Variants in CNTN5 observed in about 807,000 individuals in gnomAD.
The protein encoded by CNTN5 is contactin-5.
A neutral mutation model predicts 129.1 loss-of-function variants in CNTN5; 77 were observed. The observed-to-expected ratio is 0.60, with a 90% CI of 0.50 to 0.72. CNTN5 has a LOEUF of 0.72. CNTN5 is among the 30% of genes least tolerant of loss of function. The probability of loss-of-function intolerance (pLI) is 0.00; values close to 1 mark genes in which losing one functional copy is unlikely to be tolerated. For synonymous variants in CNTN5, 509 were observed against 465.6 expected, an observed-to-expected ratio of 1.09 and a Z score of -1.20; for missense variants, 1,478 against 1,328.8, an observed-to-expected ratio of 1.11 and a Z score of -1.75.
At chr11:99,073,374 G>GTTT (rs750531770) in intron 1 of CNTN5, among the ~76,000 whole-genome samples, 37 of 61,150 alleles carry the variant, frequency 6.1e-4, no homozygotes, top group African/African-American at 2.0e-3. Flanking sequence ...TTATGGTTTG[G>GTTT]TTTTTTTTTT....
intron 23 of CNTN5, 88 bp downstream of exon 23, chr11:100,341,293 C>A: frequency 1.1e-6 from 1 of 890,230 alleles, no homozygotes; most frequent in Non-Finnish European, 1.8e-6. Context: ...TAAAAAGACC[C>A]ATTAACCAAC....
chr11:100,215,405 T>C (rs1048495576), intron 15 of CNTN5, among the ~76,000 whole-genome samples: 2 of 152,186 alleles, frequency 1.3e-5, no homozygotes, highest in East Asian at 1.9e-4. Context: ...GTGGACATTC[T>C]TAATCTACCA....
intron 3 of CNTN5, among the ~76,000 whole-genome samples, chr11:99,577,806 A>T (rs1591305189): frequency 7.7e-6 from 1 of 129,496 alleles, no homozygotes; most frequent in Non-Finnish European, 1.6e-5. Flanking sequence ...TGAGGAATTA[A>T]TTCTCAAAGA....
At chr11:99,659,814 A>G (rs936867057) in intron 3 of CNTN5, among the ~76,000 whole-genome samples, 10 of 152,186 alleles carry the variant, frequency 6.6e-5, no homozygotes, top group African/African-American at 2.4e-4. Context: ...AGAGAAATGT[A>G]ATGACATATT....
chr11:99,360,615 C>T (rs899857806), intron 2 of CNTN5, among the ~76,000 whole-genome samples: 2 of 152,128 alleles, frequency 1.3e-5, no homozygotes, highest in African/African-American at 4.8e-5. Context: ...TGCCTTTCGT[C>T]ATAGTTTTGT....
At position 99,855,151 on chromosome 11, in the gene CNTN5, G is replaced by A. The variant is rs149614807; in HGVS notation, c.577+9889G>A. Among the ~76,000 whole-genome samples the A allele has an allele frequency of 1.9e-3, 283 of 152,008 alleles. 2 individuals carry two copies. The highest frequency in any genetic ancestry group is 9.3e-4 in the Non-Finnish European group (63 of 67,936). ...TGGCAAGCCCTCATCTCTACCAAAA[G>A]TACAAAAATCAGCCAGACGTGGCAG... On this transcript the variant is annotated intron_variant, in intron 6 of 24. Transcript: ENST00000524871.
chr11:99,441,241 T>A (rs1361754405), intron 2 of CNTN5, among the ~76,000 whole-genome samples: 1 of 152,226 alleles, frequency 6.6e-6, no homozygotes, highest in Non-Finnish European at 1.5e-5. Context: ...GAGAATAATT[T>A]CTGATTAGTA....
intron 3 of CNTN5, among the ~76,000 whole-genome samples, chr11:99,760,503 C>T (rs574613225): frequency 6.6e-5 from 10 of 152,008 alleles, no homozygotes; most frequent in South Asian, 4.2e-4. Flanking sequence ...TTTTTTGTTA[C>T]GTTATACATT....
At chr11:99,462,764 C>G (rs1323854320) in intron 2 of CNTN5, among the ~76,000 whole-genome samples, 1 of 152,042 alleles carries the variant, frequency 6.6e-6, no homozygotes, top group Non-Finnish European at 1.5e-5. Flanking sequence ...ATTAGGACTG[C>G]AGGAGTAGGG....
chr11:99,901,050 G>A (rs1231310121), intron 6 of CNTN5, among the ~76,000 whole-genome samples: 1 of 152,058 alleles, frequency 6.6e-6, no homozygotes. Context: ...TAGCTTCTCT[G>A]AGCTTCAGTT....
At chr11:99,519,060 A>G (rs1947169097) in intron 2 of CNTN5, among the ~76,000 whole-genome samples, 2 of 152,048 alleles carry the variant, frequency 1.3e-5, no homozygotes, top group Admixed American at 1.3e-4. Flanking sequence ...ATAAAGACAG[A>G]AGCTCATAAC....
intron 9 of CNTN5, among the ~76,000 whole-genome samples, chr11:100,053,084 CTCTGTAT>C (rs1234041739): frequency 6.6e-6 from 1 of 151,634 alleles, no homozygotes; most frequent in East Asian, 1.9e-4. Context: ...AAATGTAAAT[CTCTGTAT>C]TCTGTATAGA....
At chr11:99,825,096 T>C (rs191740231) in intron 4 of CNTN5, among the ~76,000 whole-genome samples, 2 of 152,168 alleles carry the variant, frequency 1.3e-5, no homozygotes, top group African/African-American at 4.8e-5. Context: ...TTAGATACTA[T>C]ATTTGGAAAA....
intron 20 of CNTN5, among the ~76,000 whole-genome samples, chr11:100,304,521 C>A (rs1460507486): frequency 1.3e-5 from 2 of 151,476 alleles, no homozygotes; most frequent in Non-Finnish European, 3.0e-5. Flanking sequence ...TAATAGTGAG[C>A]CTGTGGCAGG....
intron 2 of CNTN5, among the ~76,000 whole-genome samples, chr11:99,523,644 TAGAATAGAACAGAACAGATC>T (rs1442934349): frequency 0.017 from 1,367 of 81,978 alleles, 23 homozygotes; most frequent in African/African-American, 0.058. Flanking sequence ...TAGAATAGAA[TAGAATAGAACAGAACAGATC>T]AGAACAGAAC....
chr11:100,141,060 G>A (rs564464090), intron 13 of CNTN5, among the ~76,000 whole-genome samples: 2 of 152,198 alleles, frequency 1.3e-5, no homozygotes, highest in South Asian at 2.1e-4. Context: ...CAAAATGGTC[G>A]AGGAAAAATT....
chr11:99,413,046 G>T (rs1213732278), intron 2 of CNTN5, among the ~76,000 whole-genome samples: 2 of 152,146 alleles, frequency 1.3e-5, no homozygotes, highest in Non-Finnish European at 2.9e-5. Context: ...TTATCTCTTT[G>T]CACCTTGTTA....
intron 1 of CNTN5, among the ~76,000 whole-genome samples, chr11:99,281,540 G>A (rs1863695011): frequency 6.6e-6 from 1 of 151,890 alleles, no homozygotes; most frequent in Non-Finnish European, 1.5e-5. Context: ...CTGGGAATAA[G>A]TGCATCCTTA....
intron 10 of CNTN5, among the ~76,000 whole-genome samples, chr11:100,062,192 C>A (rs1943512627): frequency 6.6e-6 from 1 of 152,086 alleles, no homozygotes; most frequent in East Asian, 1.9e-4. Flanking sequence ...AAGCAATAGG[C>A]TAGAGCATTG....
Sources: gnomAD v4.1 joint callset for allele counts (sites outside exome capture counted in the v4.1 genomes callset) on GRCh38, gnomAD v4.1.1 for gene constraint, MANE v1.5 for transcripts, NCBI Gene and HGNC (gene_info 2026-07-23, HGNC 2026-07-21) for gene names.